GRID2: variants seen among roughly 807,000 people sequenced by gnomAD.
GRID2 encodes the protein glutamate receptor ionotropic, delta-2.
In GRID2, 33 loss-of-function variants were observed where a neutral mutation model predicts 114.8. The observed-to-expected ratio is 0.29, with a 90% CI of 0.22 to 0.38. GRID2 has a LOEUF of 0.38. Ranked by LOEUF, GRID2 falls within the 10% of genes least tolerant of loss-of-function variation. GRID2 has a pLI of 1.00. For synonymous variants in GRID2, 505 were observed against 449.9 expected, an observed-to-expected ratio of 1.12 and a Z score of -1.55; for missense variants, 1,184 against 1,257.7, an observed-to-expected ratio of 0.94 and a Z score of 0.89.
chr4:93,108,274 T>G (rs1187302597), intron 3 of GRID2, among the ~76,000 whole-genome samples: 3 of 152,208 alleles, frequency 2.0e-5, no homozygotes, highest in Non-Finnish European at 4.4e-5. Context: ...TTTAGTTTGT[T>G]TACTTGTTTA....
At chr4:92,740,542 A>G (rs1359120060) in intron 2 of GRID2, among the ~76,000 whole-genome samples, 1 of 152,176 alleles carries the variant, frequency 6.6e-6, no homozygotes, top group Non-Finnish European at 1.5e-5. Flanking sequence ...TATCCCTCCA[A>G]TCACTGTAAA....
At chr4:92,317,482 A>G (rs550542340) in intron 1 of GRID2, among the ~76,000 whole-genome samples, 2 of 152,348 alleles carry the variant, frequency 1.3e-5, no homozygotes, top group Non-Finnish European at 2.9e-5. Context: ...ACAAGAGTTC[A>G]TGCTGTGGTT....
chr4:92,806,855 A>G lies in GRID2; in HGVS notation c.244+216569A>G, dbSNP rs144701098. Among the ~76,000 whole-genome samples the G allele has an allele frequency of 3.4e-4, 51 of 152,128 alleles. 1 individual carries two copies. Among genetic ancestry groups the G allele is most frequent in the Admixed American group, 1.2e-3 (18 of 15,232 alleles). On this transcript the variant is annotated intron_variant, in intron 2 of 15. Coordinates refer to ENST00000282020, the MANE Select transcript of GRID2 (RefSeq NM_001510.4). Reference sequence around the variant, plus strand: ...CATTACAATTGAAATTGAAGGTTATATAATATTTAGATAGGCAGAGGGCAG... The same window carrying G: ...CATTACAATTGAAATTGAAGGTTATGTAATATTTAGATAGGCAGAGGGCAG...
At chr4:92,996,038 C>A (rs1755176496) in intron 2 of GRID2, among the ~76,000 whole-genome samples, 1 of 151,592 alleles carries the variant, frequency 6.6e-6, no homozygotes, top group African/African-American at 2.4e-5. Context: ...GCCTGTAATC[C>A]CAGCACTTTG....
At chr4:93,205,990 CTT>C (rs1481241039) in intron 4 of GRID2, among the ~76,000 whole-genome samples, 1 of 152,084 alleles carries the variant, frequency 6.6e-6, no homozygotes, top group Non-Finnish European at 1.5e-5. Context: ...CCTTCGCTCA[CTT>C]CACACCAGCA....
rs551399434 is a variant in GRID2, at chr4:92,473,716, A to G, written c.89-116415A>G. On this transcript the variant is annotated intron_variant, in intron 1 of 15. Transcript: ENST00000282020. Reference sequence around the variant, plus strand: ...GCTATCGCGTTCTAAAACCATCAATAGTGTCAAGTTGGATGATAGTGTTGT... The same window carrying G: ...GCTATCGCGTTCTAAAACCATCAATGGTGTCAAGTTGGATGATAGTGTTGT... 4.6e-5 allele frequency among the ~76,000 whole-genome samples: 7 copies of G among 152,160 alleles called. No individual in the cohort carries two copies. In the East Asian group the frequency reaches 1.2e-3, roughly 25 times the overall value.
chr4:93,612,466 T>A (rs1047562386), intron 13 of GRID2, among the ~76,000 whole-genome samples: 16 of 132,662 alleles, frequency 1.2e-4, no homozygotes, highest in Non-Finnish European at 2.0e-4. Context: ...TTCCTTTCCA[T>A]GTTTAGCGCT....
intron 1 of GRID2, among the ~76,000 whole-genome samples, chr4:92,467,836 G>A (rs1289199104): frequency 1.3e-5 from 2 of 151,896 alleles, no homozygotes; most frequent in Non-Finnish European, 2.9e-5. Flanking sequence ...TTGAAGCTAG[G>A]CTTAAAATTG....
rs563420288 is a variant in GRID2 at position 92,358,567 on chromosome 4, T to C, written c.88+53823T>C. On this transcript the variant is annotated intron_variant, in intron 1 of 15. Transcript: ENST00000282020. ...TAACATTGGGAACTTAAGGGAAATA[T>C]CAGTGGTACTTCATTAATACTATAA... is the stretch of plus-strand genomic sequence containing the variant. Among the ~76,000 whole-genome samples, 16 of 152,022 alleles carry C rather than the reference T, an allele frequency of 1.1e-4. No homozygotes were observed. The South Asian group carries it at 3.3e-3, about 32-fold the overall frequency.
At chr4:93,499,974 C>A (rs1447537236) in intron 12 of GRID2, among the ~76,000 whole-genome samples, 1 of 151,882 alleles carries the variant, frequency 6.6e-6, no homozygotes, top group African/African-American at 2.4e-5. Flanking sequence ...TACGCTAAAC[C>A]TTTATTGTAT....
chr4:92,312,523 A>G (rs904930312), intron 1 of GRID2, among the ~76,000 whole-genome samples: 3 of 152,082 alleles, frequency 2.0e-5, no homozygotes, highest in Non-Finnish European at 4.4e-5. Flanking sequence ...CTTCCAAGGT[A>G]TTTTACCCAA....
intron 1 of GRID2, among the ~76,000 whole-genome samples, chr4:93,794,630 TCA>T (rs1422558474): frequency 6.6e-6 from 1 of 152,348 alleles, no homozygotes; most frequent in East Asian, 1.9e-4. Flanking sequence ...GCCTGCTAAC[TCA>T]GTTTCTCACT....
intron 4 of GRID2, among the ~76,000 whole-genome samples, chr4:93,116,385 C>T (rs1733259271): frequency 6.6e-6 from 1 of 152,048 alleles, no homozygotes; most frequent in South Asian, 2.1e-4. Context: ...CTGTAATTTG[C>T]TTATGTTTTA....
chr4:92,688,426 A>G (rs931916784), intron 2 of GRID2, among the ~76,000 whole-genome samples: 1 of 152,126 alleles, frequency 6.6e-6, no homozygotes, highest in Non-Finnish European at 1.5e-5. Flanking sequence ...AAACCTTTCA[A>G]AATTACAGTC....
At chr4:93,462,080 A>G (rs886691309) in intron 11 of GRID2, among the ~76,000 whole-genome samples, 1 of 152,200 alleles carries the variant, frequency 6.6e-6, no homozygotes. Flanking sequence ...GCAACCACAT[A>G]TATGTTTATT....
At chr4:93,660,968 A>T (rs1240270951) in intron 14 of GRID2, among the ~76,000 whole-genome samples, 2 of 152,152 alleles carry the variant, frequency 1.3e-5, no homozygotes, top group African/African-American at 4.8e-5. Flanking sequence ...ACAGGGGGAA[A>T]AAAAAAGCAA....
At chr4:93,566,505 C>G (rs901320506) in intron 13 of GRID2, among the ~76,000 whole-genome samples, 1 of 152,116 alleles carries the variant, frequency 6.6e-6, no homozygotes, top group African/African-American at 2.4e-5. Flanking sequence ...GTGGCTCATG[C>G]CTGCCTGTAA....
At chr4:92,491,784 T>C (rs530285118) in intron 1 of GRID2, among the ~76,000 whole-genome samples, 9 of 152,294 alleles carry the variant, frequency 5.9e-5, no homozygotes, top group African/African-American at 2.2e-4. Context: ...TATGATTAAT[T>C]GTTCTATGGT....
At chr4:92,724,917 A>G (rs1224800335) in intron 2 of GRID2, among the ~76,000 whole-genome samples, 3 of 152,196 alleles carry the variant, frequency 2.0e-5, no homozygotes, top group Non-Finnish European at 4.4e-5. Context: ...TTGCTTTGTT[A>G]AAATTGCACA....
Sources: gnomAD v4.1 joint callset for allele counts (sites outside exome capture counted in the v4.1 genomes callset) on GRCh38, gnomAD v4.1.1 for gene constraint, MANE v1.5 for transcripts, NCBI Gene and HGNC (gene_info 2026-07-23, HGNC 2026-07-21) for gene names.